TMEM132D: variants seen among roughly 807,000 people sequenced by gnomAD.
The protein encoded by TMEM132D is transmembrane protein 132D, also known as mature OL transmembrane protein.
In TMEM132D, 21 loss-of-function variants were observed where a neutral mutation model predicts 62.3. The observed-to-expected ratio is 0.34, with a 90% confidence interval of 0.24 to 0.49. The LOEUF (loss-of-function observed/expected upper bound fraction) is 0.49. TMEM132D is among the 20% of genes least tolerant of loss of function. The pLI is 0.99. For missense variants in TMEM132D, 1,346 were observed against 1,402.8 expected (o/e 0.96, Z 0.65); for synonymous variants, 621 against 575.6 (o/e 1.08, Z -1.13).
At chr12:129,269,070 A>G (rs993130103) in intron 4 of TMEM132D, among the ~76,000 whole-genome samples, 1 of 151,224 alleles carries the variant, frequency 6.6e-6, no homozygotes, top group Non-Finnish European at 1.5e-5. Context: ...CCTAATGCTA[A>G]ATGACGAGTT....
intron 1 of TMEM132D, among the ~76,000 whole-genome samples, chr12:129,739,270 C>T (rs1295014705): frequency 6.6e-6 from 1 of 152,174 alleles, no homozygotes; most frequent in African/African-American, 2.4e-5. Context: ...ACACATCCAA[C>T]TTCACGCTCA....
chr12:129,830,712 T>C (rs879646856), intron 1 of TMEM132D, among the ~76,000 whole-genome samples: 2 of 152,160 alleles, frequency 1.3e-5, no homozygotes, highest in Non-Finnish European at 2.9e-5. Context: ...CTTTGGGAGA[T>C]AAACCTCCCA....
chr12:129,080,015 C>T (rs1874401766), intron 7 of TMEM132D, among the ~76,000 whole-genome samples: 1 of 152,212 alleles, frequency 6.6e-6, no homozygotes, highest in South Asian at 2.1e-4. Context: ...AAATTCTCAT[C>T]TCGCTGTGAG....
chr12:129,193,204 A>T (rs1419979478), intron 5 of TMEM132D, among the ~76,000 whole-genome samples: 1 of 151,784 alleles, frequency 6.6e-6, no homozygotes, highest in Non-Finnish European at 1.5e-5. Flanking sequence ...TGCCAATTAC[A>T]TGCACTCTGT....
Position 129,430,905 on chromosome 12 carries a change from C to T in TMEM132D, c.1116-93088G>A, listed in dbSNP as rs1566066315. ...AGGAGAGTGGGGGGAGACAGGTACA[C>T]TTTTAAACCAAATTAGTTGGATACC... On this transcript the variant is annotated intron_variant, in intron 3 of 8. Transcript: ENST00000422113. Among the ~76,000 whole-genome samples the T allele has an allele frequency of 2.0e-5, 3 of 152,142 alleles. No homozygotes were observed. The East Asian group carries it at 5.8e-4, about 29-fold the overall frequency.
At chr12:129,529,347 G>C (rs1398170726) in intron 3 of TMEM132D, among the ~76,000 whole-genome samples, 2 of 152,230 alleles carry the variant, frequency 1.3e-5, no homozygotes. Flanking sequence ...ATGCATTTCT[G>C]CATTTGGATG....
At chr12:129,166,746 T>C (rs1335912473) in intron 5 of TMEM132D, among the ~76,000 whole-genome samples, 3 of 110,744 alleles carry the variant, frequency 2.7e-5, no homozygotes, top group African/African-American at 9.9e-5. Context: ...TATATACACA[T>C]ATACATACAC....
At chr12:129,836,499 T>C (rs1873008993) in intron 1 of TMEM132D, among the ~76,000 whole-genome samples, 1 of 151,578 alleles carries the variant, frequency 6.6e-6, no homozygotes, top group Admixed American at 6.6e-5. Context: ...ATGCAGAGTG[T>C]GTGTGTGTGT....
chr12:129,636,737 T>TGTGTGTGTGTGTGTGTGAGAGA lies in TMEM132D; in HGVS notation c.968+63072_968+63073insTCTCTCACACACACACACACAC, dbSNP rs375868329. Among the ~76,000 whole-genome samples, 1,045 of 113,470 alleles carry TGTGTGTGTGTGTGTGTGAGAGA rather than the reference T, an allele frequency of 9.2e-3. 13 individuals are homozygous for TGTGTGTGTGTGTGTGTGAGAGA. Among genetic ancestry groups the TGTGTGTGTGTGTGTGTGAGAGA allele is most frequent in the Admixed American group, 0.014 (140 of 10,076 alleles). 74.4% of individuals were successfully genotyped at this position (113,470 alleles called of 152,430 possible). A position where few individuals can be genotyped will look rare whatever the true frequency, so the allele number is the denominator to read the frequency against. On this transcript the variant is annotated intron_variant, in intron 2 of 8. Coordinates refer to ENST00000422113, the MANE Select transcript of TMEM132D (RefSeq NM_133448.3). ...GTGTGTGTGTGTGTGTGTGTGTGTG[T>TGTGTGTGTGTGTGTGTGAGAGA]GAGAGAGAGAGAGAGAGAGACAGAG... is the stretch of plus-strand genomic sequence containing the variant.
intron 3 of TMEM132D, among the ~76,000 whole-genome samples, chr12:129,404,841 G>A (rs2135702291): frequency 6.6e-6 from 1 of 152,168 alleles, no homozygotes; most frequent in East Asian, 1.9e-4. Context: ...CCAACACTAG[G>A]GATCACATTT....
chr12:129,208,860 C>A (rs1878936639), intron 5 of TMEM132D: 1 of 152,264 alleles, frequency 6.6e-6, no homozygotes, highest in Non-Finnish European at 1.5e-5. Flanking sequence ...TCTCCCCAGC[C>A]TCCTCCATCC....
intron 4 of TMEM132D, among the ~76,000 whole-genome samples, chr12:129,251,643 AC>A (rs1426440268): frequency 6.6e-6 from 1 of 152,200 alleles, no homozygotes; most frequent in African/African-American, 2.4e-5. Flanking sequence ...GTTTTTGACA[AC>A]GTATGGCTCT....
chr12:129,515,732 C>T (rs992536964), intron 3 of TMEM132D, among the ~76,000 whole-genome samples: 1 of 152,160 alleles, frequency 6.6e-6, no homozygotes, highest in African/African-American at 2.4e-5. Flanking sequence ...TGCTATATCC[C>T]CAACCCCATT....
intron 1 of TMEM132D, among the ~76,000 whole-genome samples, chr12:129,747,464 TCAGA>T (rs1212209997): frequency 1.4e-5 from 2 of 145,078 alleles, no homozygotes; most frequent in Non-Finnish European, 3.0e-5. Context: ...TCACACACAT[TCAGA>T]CACACACACT....
At chr12:129,472,318 G>A (rs1482796825) in intron 3 of TMEM132D, among the ~76,000 whole-genome samples, 1 of 152,156 alleles carries the variant, frequency 6.6e-6, no homozygotes, top group Non-Finnish European at 1.5e-5. Flanking sequence ...ATCATCCTCA[G>A]CAAACTAACA....
chr12:129,730,460 G>A (rs1038257094), intron 1 of TMEM132D, among the ~76,000 whole-genome samples: 8 of 152,062 alleles, frequency 5.3e-5, no homozygotes, highest in African/African-American at 1.7e-4. Flanking sequence ...CTCAGACCAT[G>A]GTAGAAGGTT....
intron 4 of TMEM132D, among the ~76,000 whole-genome samples, chr12:129,284,343 CTCAG>C (rs1881236294): frequency 6.6e-6 from 1 of 152,234 alleles, no homozygotes; most frequent in Non-Finnish European, 1.5e-5. Context: ...CTCAGTTTGT[CTCAG>C]TCAACTTACA....
chr12:129,787,656 G>A (rs1390405955), intron 1 of TMEM132D, among the ~76,000 whole-genome samples: 4 of 152,164 alleles, frequency 2.6e-5, no homozygotes, highest in Admixed American at 1.3e-4. Context: ...CTGGCAAACC[G>A]GGAGAGAATC....
intron 1 of TMEM132D, among the ~76,000 whole-genome samples, chr12:129,797,244 C>T (rs1034456743): frequency 2.2e-4 from 33 of 152,280 alleles, no homozygotes; most frequent in African/African-American, 6.0e-4. Context: ...GCCTGTCTCC[C>T]GGGAGGGCTA....
Sources: allele counts gnomAD v4.1 joint callset (sites outside exome capture counted in the v4.1 genomes callset), GRCh38; gene constraint gnomAD v4.1.1; transcripts MANE v1.5; gene names NCBI Gene and HGNC (gene_info 2026-07-23, HGNC 2026-07-21).